The following RAP1GDS1 variants were observed in gnomAD, a reference collection of about 807,000 sequenced individuals.
The protein encoded by RAP1GDS1 is Rap1 GTPase-GDP dissociation stimulator 1, also known as RAP1, GTP-GDP dissociation stimulator 1.
A neutral mutation model predicts 71.1 loss-of-function variants in RAP1GDS1; 35 were observed. The observed-to-expected ratio is 0.49, with a 90% confidence interval of 0.38 to 0.65. RAP1GDS1 has a LOEUF of 0.65. RAP1GDS1 is among the 30% of genes least tolerant of loss of function. The pLI is 0.00. For synonymous variants in RAP1GDS1, 229 were observed against 243.1 expected, an observed-to-expected ratio of 0.94 and a Z score of 0.54; for missense variants, 663 against 706.1, an observed-to-expected ratio of 0.94 and a Z score of 0.69.
At chr4:98,403,427 C>T (rs1476605828) in intron 6 of RAP1GDS1, among the ~76,000 whole-genome samples, 3 of 152,118 alleles carry the variant, frequency 2.0e-5, no homozygotes, top group East Asian at 3.9e-4. Context: ...TGAGCAGTGA[C>T]TCCTAGATTT....
chr4:98,316,648 G>A (rs1287101758), intron 2 of RAP1GDS1, among the ~76,000 whole-genome samples: 1 of 152,138 alleles, frequency 6.6e-6, no homozygotes, highest in Non-Finnish European at 1.5e-5. Context: ...GCTGAAAAGA[G>A]AGAAGCTGTT....
At chr4:98,308,295 C>CTATATAT (rs1368490048) in intron 2 of RAP1GDS1, among the ~76,000 whole-genome samples, 4 of 72,128 alleles carry the variant, frequency 5.5e-5, no homozygotes, top group South Asian at 1.2e-3. Context: ...TACACACACA[C>CTATATAT]ACTATATATA....
chr4:98,394,657 A>G (rs1014675183), intron 6 of RAP1GDS1, among the ~76,000 whole-genome samples: 8 of 152,090 alleles, frequency 5.3e-5, no homozygotes, highest in Admixed American at 1.3e-4. Flanking sequence ...AGCTTCTGTG[A>G]GAGGAAAATT....
At chr4:98,396,053 C>CGA (rs1030731356) in intron 6 of RAP1GDS1, 7 of 152,028 alleles carry the variant, frequency 4.6e-5, no homozygotes, top group South Asian at 2.0e-4. Flanking sequence ...AGACAGGGAG[C>CGA]GAGAGAGAGA....
intron 12 of RAP1GDS1, among the ~76,000 whole-genome samples, chr4:98,424,005 T>C (rs1272188191): frequency 2.0e-5 from 3 of 152,190 alleles, no homozygotes. Context: ...AAATTTCATA[T>C]GGGTTATTCA....
rs913027047 is a variant in RAP1GDS1 at position 98,339,716 on chromosome 4, C to G, written c.113-3423C>G. 2.0e-5 allele frequency among the ~76,000 whole-genome samples: 3 copies of G among 152,036 alleles called. No individual in the cohort carries two copies. In the East Asian group the frequency reaches 5.8e-4, roughly 29 times the overall value. ...ACAGGTCAATATACATTTTGAGATA[C>G]AGTGTAATGCCAGTGCAAAAAGTAT... On this transcript the variant is annotated intron_variant, in intron 2 of 14. Transcript: ENST00000408927.
chr4:98,268,956 T>C (rs1723063632), intron 1 of RAP1GDS1, among the ~76,000 whole-genome samples: 1 of 151,794 alleles, frequency 6.6e-6, no homozygotes, highest in Non-Finnish European at 1.5e-5. Context: ...GCAAAACAAT[T>C]CTAAAATTTG....
At chr4:98,388,386 A>G (rs906585704) in intron 5 of RAP1GDS1, among the ~76,000 whole-genome samples, 1 of 152,136 alleles carries the variant, frequency 6.6e-6, no homozygotes, top group African/African-American at 2.4e-5. Context: ...ATTGAACTTC[A>G]GAATATTTAC....
intron 3 of RAP1GDS1, among the ~76,000 whole-genome samples, chr4:98,347,824 A>T (rs944021918): frequency 6.6e-6 from 1 of 152,194 alleles, no homozygotes; most frequent in Admixed American, 6.5e-5. Flanking sequence ...CTTTTAGGCT[A>T]TTGAGTCAGA....
intron 4 of RAP1GDS1, among the ~76,000 whole-genome samples, chr4:98,369,065 AG>A (rs1333926265): frequency 6.6e-6 from 1 of 152,218 alleles, no homozygotes; most frequent in Non-Finnish European, 1.5e-5. Context: ...ACATGGTGGC[AG>A]GCAAGAGAGC....
intron 6 of RAP1GDS1, among the ~76,000 whole-genome samples, chr4:98,400,080 G>C (rs1485485677): frequency 2.0e-5 from 3 of 151,978 alleles, no homozygotes; most frequent in Non-Finnish European, 4.4e-5. Flanking sequence ...TTCAGCACAG[G>C]ATGTTGAGTC....
intron 4 of RAP1GDS1, among the ~76,000 whole-genome samples, chr4:98,358,538 A>G (rs1009361067): frequency 6.6e-6 from 1 of 151,768 alleles, no homozygotes; most frequent in Admixed American, 6.6e-5. Flanking sequence ...ATTGTACTTT[A>G]TCCTTTTCTC....
At chr4:98,337,742 A>AG (rs1274572637) in intron 2 of RAP1GDS1, among the ~76,000 whole-genome samples, 1 of 152,120 alleles carries the variant, frequency 6.6e-6, no homozygotes, top group Non-Finnish European at 1.5e-5. Context: ...TGGTAGGGTG[A>AG]GGGGGGTGGC....
intron 4 of RAP1GDS1, among the ~76,000 whole-genome samples, chr4:98,362,611 A>T (rs568876217): frequency 6.6e-6 from 1 of 152,346 alleles, no homozygotes; most frequent in South Asian, 2.1e-4. Flanking sequence ...AATCATGCAG[A>T]TCAGAATGGC....
At chr4:98,273,974 C>CA (rs904083538) in intron 1 of RAP1GDS1, among the ~76,000 whole-genome samples, 1 of 152,056 alleles carries the variant, frequency 6.6e-6, no homozygotes, top group African/African-American at 2.4e-5. Context: ...TTTGAACTTG[C>CA]AAAATATATC....
chr4:98,392,572 G>A (rs911113120), intron 6 of RAP1GDS1, among the ~76,000 whole-genome samples: 8 of 152,112 alleles, frequency 5.3e-5, no homozygotes, highest in African/African-American at 1.9e-4. Flanking sequence ...GTGGTGGCTA[G>A]TGCCAGTAGT....
chr4:98,421,141 G>T (rs1438583331), intron 11 of RAP1GDS1, 114 bp from the exon 12 acceptor site: 1 of 1,189,592 alleles, frequency 8.4e-7, no homozygotes, highest in Non-Finnish European at 1.1e-6. Flanking sequence ...TAGCTTTAAT[G>T]AAATTGTCGT....
intron 2 of RAP1GDS1, among the ~76,000 whole-genome samples, chr4:98,320,067 C>T (rs1184990104): frequency 6.6e-6 from 1 of 152,090 alleles, no homozygotes; most frequent in African/African-American, 2.4e-5. Flanking sequence ...TTCTTAATAA[C>T]ATTTGTTTTT....
chr4:98,287,621 G>GT (rs1457604978), intron 1 of RAP1GDS1, among the ~76,000 whole-genome samples: 1 of 152,134 alleles, frequency 6.6e-6, no homozygotes, highest in Admixed American at 6.6e-5. Context: ...AGTTAGGTGT[G>GT]TAACATTTAT....
Sources: gnomAD v4.1 joint callset for allele counts (sites outside exome capture counted in the v4.1 genomes callset) on GRCh38, gnomAD v4.1.1 for gene constraint, MANE v1.5 for transcripts, NCBI Gene and HGNC (gene_info 2026-07-23, HGNC 2026-07-21) for gene names.